The following FANCB variants were observed in gnomAD, a reference collection of about 807,000 sequenced individuals.
FANCB encodes the protein Fanconi anemia group B protein.
Under a neutral mutation model 38.9 loss-of-function variants are expected in FANCB, and 5 were observed. That is an observed-to-expected ratio of 0.13 (90% CI 0.07 to 0.27). The LOEUF (loss-of-function observed/expected upper bound fraction) is 0.27. FANCB is among the 10% of genes least tolerant of loss of function. FANCB has a pLI of 1.00. For missense variants in FANCB, 573 were observed against 602.7 expected (o/e 0.95, Z 0.52); for synonymous variants, 236 against 215.4 (o/e 1.10, Z -0.84).
chrX:14,697,562 G>A, the FANCB span, among the ~76,000 whole-genome samples: 13 of 111,747 alleles, frequency 1.2e-4, no homozygotes, highest in East Asian at 1.4e-3. Flanking sequence ...GATAGCTTGC[G>A]GGAGGGGAGC....
chrX:14,842,989 T>C (rs1326115628), downstream of FANCB, among the ~76,000 whole-genome samples: 2 of 112,364 alleles, frequency 1.8e-5, no homozygotes, highest in Non-Finnish European at 3.8e-5. Flanking sequence ...GGAGAAATAC[T>C]GATATTTACA....
At chrX:14,729,851 C>T in the FANCB span, among the ~76,000 whole-genome samples, 2 of 111,915 alleles carry the variant, frequency 1.8e-5, no homozygotes, top group Non-Finnish European at 3.8e-5. Flanking sequence ...CATAGACTTA[C>T]AGTGTAACAC....
At chrX:14,794,608 T>C in the FANCB span, among the ~76,000 whole-genome samples, 4 of 112,312 alleles carry the variant, frequency 3.6e-5, no homozygotes, top group East Asian at 1.1e-3. Context: ...CCCTGAGAGA[T>C]TCTGGGAGAT....
the FANCB span, among the ~76,000 whole-genome samples, chrX:14,697,012 G>A: frequency 9.0e-6 from 1 of 110,554 alleles, no homozygotes; most frequent in East Asian, 2.8e-4. Flanking sequence ...GAAAAAATAG[G>A]CAAGAAATAT....
chrX:14,729,974 T>A, the FANCB span, among the ~76,000 whole-genome samples: 16 of 111,959 alleles, frequency 1.4e-4, no homozygotes, highest in Non-Finnish European at 2.8e-4. Context: ...GTTAATTAAT[T>A]AAAATGACCA....
chrX:14,867,170 T>C (rs2092473061), intron 2 of FANCB, among the ~76,000 whole-genome samples: 1 of 111,538 alleles, frequency 9.0e-6, no homozygotes, highest in African/African-American at 3.3e-5. Flanking sequence ...AAGCAATCTA[T>C]AGACTTAGTG....
At chrX:14,820,399 T>C in the FANCB span, among the ~76,000 whole-genome samples, 1 of 112,156 alleles carries the variant, frequency 8.9e-6, no homozygotes. Flanking sequence ...ATGTCTTATA[T>C]ACTCCCACAA....
rs1172968993 is a variant in FANCB at position 14,865,400 on chromosome X, A to G, written c.111T>C (p.Pro37=). The G allele has an allele frequency of 1.1e-5, 13 of 1,206,795 alleles. No individual in the cohort carries two copies. In the South Asian group the frequency reaches 2.3e-4, roughly 21 times the overall value. Residue 37 remains proline (P), a synonymous_variant, in exon 3 of 10, where the codon CCT becomes CCC. Transcript: ENST00000650831. ...TGACATGTAATATGGGTGTTTTTGT[A>G]GGCTCTTTATCTGCAAAATTTCCTT... The part of the protein sequence containing the change: ...LSKGNFADKE[P]TKTPILHVRR...
intron 1 of FANCB, among the ~76,000 whole-genome samples, chrX:14,871,052 T>C (rs1241499781): frequency 1.8e-5 from 2 of 111,354 alleles, no homozygotes; most frequent in African/African-American, 3.3e-5. Flanking sequence ...ACATAAGTTA[T>C]TTATTGGGTC....
Position 14,865,385 on chromosome X carries a change from T to C in FANCB, c.126A>G (p.Ile42Met), listed in dbSNP as rs2092465056. 1 of 1,203,901 alleles carries C rather than the reference T, an allele frequency of 8.3e-7. No homozygotes were observed. The highest frequency in any genetic ancestry group is 1.1e-6 in the Non-Finnish European group (1 of 890,217). The change falls in exon 3 of 10, where the codon ATA becomes ATG. Residue 42 changes from isoleucine to methionine, a missense_variant. Ile to Met is a conservative substitution (Grantham distance 10, BLOSUM62 1). Transcript: ENST00000650831. ...FADKEPTKTP[I>M]LHVRRMVFDR... Reference sequence around the variant, plus strand: ...CAAATACCATTCTTCTGACATGTAATATGGGTGTTTTTGTAGGCTCTTTAT... The same window carrying C: ...CAAATACCATTCTTCTGACATGTAACATGGGTGTTTTTGTAGGCTCTTTAT...
At chrX:14,810,765 T>C in the FANCB span, among the ~76,000 whole-genome samples, 2 of 111,444 alleles carry the variant, frequency 1.8e-5, no homozygotes, top group Non-Finnish European at 3.8e-5. Context: ...CAGGAGAACT[T>C]CCCCAATCTA....
At chrX:14,778,524 T>C in the FANCB span, among the ~76,000 whole-genome samples, 2 of 112,014 alleles carry the variant, frequency 1.8e-5, no homozygotes, top group African/African-American at 6.5e-5. Flanking sequence ...TGTCATATAA[T>C]AGAGATTAAT....
At chrX:14,730,840 C>A in the FANCB span, 1 of 175,234 alleles carries the variant, frequency 5.7e-6, no homozygotes, top group Non-Finnish European at 1.1e-5. Flanking sequence ...GCCTTTTGGT[C>A]CTTTTGGTTT....
the FANCB span, among the ~76,000 whole-genome samples, chrX:14,754,080 A>G: frequency 8.9e-6 from 1 of 112,026 alleles, no homozygotes; most frequent in African/African-American, 3.2e-5. Flanking sequence ...ACGCATTGTG[A>G]GAGTGTGTCC....
the FANCB span, among the ~76,000 whole-genome samples, chrX:14,807,246 C>A: frequency 2.7e-5 from 3 of 112,391 alleles, no homozygotes; most frequent in East Asian, 2.8e-4. Flanking sequence ...AAAAAAAATT[C>A]TTTCACACAC....
chrX:14,872,250 G>A (rs973699355), intron 1 of FANCB, among the ~76,000 whole-genome samples: 1 of 112,056 alleles, frequency 8.9e-6, no homozygotes, highest in African/African-American at 3.2e-5. Context: ...TAGGACAAAA[G>A]ATGCTAACAT....
At chrX:14,840,728 G>A (rs967742698), downstream of FANCB, among the ~76,000 whole-genome samples, 1 of 111,884 alleles carries the variant, frequency 8.9e-6, no homozygotes, top group Non-Finnish European at 1.9e-5. Flanking sequence ...CTGCTGCTGT[G>A]GGGAAATGAA....
At chrX:14,866,957 G>T (rs946797355) in intron 2 of FANCB, among the ~76,000 whole-genome samples, 1 of 109,991 alleles carries the variant, frequency 9.1e-6, no homozygotes, top group Non-Finnish European at 1.9e-5. Context: ...ATCTGAAAAA[G>T]AAATCAAGAA....
chrX:14,796,659 TATACAC>T, the FANCB span, among the ~76,000 whole-genome samples: 7 of 36,880 alleles, frequency 1.9e-4, no homozygotes, highest in Non-Finnish European at 3.1e-4. Context: ...TAAGTGCATA[TATACAC>T]ACACACACAC....
Sources: gnomAD v4.1 joint callset for allele counts (sites outside exome capture counted in the v4.1 genomes callset) on GRCh38, gnomAD v4.1.1 for gene constraint, MANE v1.5 for transcripts, NCBI Gene and HGNC (gene_info 2026-07-23, HGNC 2026-07-21) for gene names.